Variants in KCNIP4 observed in about 807,000 individuals in gnomAD.
KCNIP4 encodes Kv channel-interacting protein 4.
KCNIP4 carries 12 observed loss-of-function variants against 34.0 expected under a neutral mutation model. That is an observed-to-expected ratio of 0.35 (90% CI 0.23 to 0.57). The LOEUF (loss-of-function observed/expected upper bound fraction) is 0.57. Ranked by LOEUF, KCNIP4 falls within the 20% of genes least tolerant of loss-of-function variation. The pLI is 0.83. For missense variants in KCNIP4, 238 were observed against 311.7 expected, an observed-to-expected ratio of 0.76 and a Z score of 1.78; for synonymous variants, 124 against 102.2, an observed-to-expected ratio of 1.21 and a Z score of -1.29.
chr4:21,549,589 A>T lies in KCNIP4; in HGVS notation c.61+398982T>A, dbSNP rs999576235. ...GTACCATGTCTCCCATACAGCCTGC[A>T]GAACTGTGACCCAACTAAACATTTT... On this transcript the variant is annotated intron_variant, in intron 1 of 8. Coordinates refer to ENST00000382152, the MANE Select transcript of KCNIP4 (RefSeq NM_025221.6). Among the ~76,000 whole-genome samples the T allele has an allele frequency of 3.9e-5, 6 of 152,162 alleles. No individual in the cohort carries two copies. In the East Asian group the frequency reaches 1.2e-3, roughly 29 times the overall value.
intron 1 of KCNIP4, among the ~76,000 whole-genome samples, chr4:21,491,732 A>T (rs1429390244): frequency 6.6e-6 from 1 of 152,144 alleles, no homozygotes; most frequent in African/African-American, 2.4e-5. Context: ...TCTGACAAAC[A>T]TCTACATTTT....
chr4:21,461,264 C>T, intron 1 of KCNIP4, among the ~76,000 whole-genome samples: 1 of 152,042 alleles, frequency 6.6e-6, no homozygotes, highest in East Asian at 1.9e-4. Flanking sequence ...CTTGCTTCTC[C>T]TTCACCTTCT....
At chr4:21,352,266 G>A (rs934949792) in intron 1 of KCNIP4, among the ~76,000 whole-genome samples, 2 of 152,168 alleles carry the variant, frequency 1.3e-5, no homozygotes, top group African/African-American at 4.8e-5. Context: ...TCATATCATT[G>A]GGACTGGTTG....
chr4:21,543,746 T>C (rs1376738718), intron 1 of KCNIP4, among the ~76,000 whole-genome samples: 1 of 152,156 alleles, frequency 6.6e-6, no homozygotes, highest in African/African-American at 2.4e-5. Context: ...CTTACCTACA[T>C]TGTCTTGTAA....
At chr4:21,600,727 A>G (rs1026536129) in intron 1 of KCNIP4, among the ~76,000 whole-genome samples, 2 of 152,036 alleles carry the variant, frequency 1.3e-5, no homozygotes, top group African/African-American at 4.8e-5. Context: ...CGATTTCCCC[A>G]TGGTTGTGAG....
intron 1 of KCNIP4, among the ~76,000 whole-genome samples, chr4:21,271,452 C>T (rs1010333105): frequency 1.3e-5 from 2 of 152,154 alleles, no homozygotes; most frequent in Non-Finnish European, 2.9e-5. Flanking sequence ...CAGCATTACT[C>T]GTGCAACTGT....
At chr4:21,247,735 G>GAGATATAT (rs796243156) in intron 1 of KCNIP4, among the ~76,000 whole-genome samples, 1 of 61,370 alleles carries the variant, frequency 1.6e-5, no homozygotes, top group African/African-American at 1.1e-4. Flanking sequence ...TCCACAGGTG[G>GAGATATAT]ATATATATAT....
intron 1 of KCNIP4, among the ~76,000 whole-genome samples, chr4:21,659,162 A>G (rs1224259054): frequency 6.6e-6 from 1 of 152,182 alleles, no homozygotes; most frequent in African/African-American, 2.4e-5. Flanking sequence ...TTTGGCATAA[A>G]TATTTTGTTT....
At chr4:21,814,427 T>G (rs1721850617) in intron 1 of KCNIP4, among the ~76,000 whole-genome samples, 1 of 152,088 alleles carries the variant, frequency 6.6e-6, no homozygotes, top group Non-Finnish European at 1.5e-5. Context: ...TCTCATGAGA[T>G]CTCATGGTTT....
At chr4:21,835,114 A>G (rs2109311229) in intron 1 of KCNIP4, among the ~76,000 whole-genome samples, 1 of 152,288 alleles carries the variant, frequency 6.6e-6, no homozygotes, top group South Asian at 2.1e-4. Flanking sequence ...CAAAATTTTA[A>G]AACTTTCAGG....
At chr4:20,974,191 C>T (rs1192277895) in intron 1 of KCNIP4, among the ~76,000 whole-genome samples, 1 of 152,146 alleles carries the variant, frequency 6.6e-6, no homozygotes, top group East Asian at 1.9e-4. Flanking sequence ...GCCTGGGTAA[C>T]ACACTCCTTA....
chr4:21,442,342 T>TAAA (rs1727559045), intron 1 of KCNIP4, among the ~76,000 whole-genome samples: 3 of 152,164 alleles, frequency 2.0e-5, no homozygotes, highest in Admixed American at 1.3e-4. Flanking sequence ...TCCACTGGGG[T>TAAA]AATCAAAATC....
At chr4:20,967,455 A>G (rs1004503902) in intron 1 of KCNIP4, among the ~76,000 whole-genome samples, 2 of 152,198 alleles carry the variant, frequency 1.3e-5, no homozygotes, top group Admixed American at 6.5e-5. Context: ...GAACCAAAAA[A>G]GAGCCTGCAC....
intron 1 of KCNIP4, among the ~76,000 whole-genome samples, chr4:21,135,163 T>C (rs1292019683): frequency 1.3e-5 from 2 of 152,228 alleles, no homozygotes; most frequent in Admixed American, 6.5e-5. Flanking sequence ...TTCACCAGAC[T>C]GCCTCTTATA....
At chr4:21,293,050 G>A (rs767776756) in intron 1 of KCNIP4, among the ~76,000 whole-genome samples, 6 of 152,102 alleles carry the variant, frequency 3.9e-5, no homozygotes, top group Non-Finnish European at 8.8e-5. Flanking sequence ...GGTGATACTC[G>A]ACATCTGTAG....
chr4:20,862,246 C>T, intron 2 of KCNIP4, among the ~76,000 whole-genome samples: 1 of 152,000 alleles, frequency 6.6e-6, no homozygotes, highest in East Asian at 1.9e-4. Context: ...GCCTCTGCCT[C>T]CCAAAGTGCT....
Position 20,859,229 on chromosome 4 carries a change from T to A in KCNIP4, c.164-8562A>T, listed in dbSNP as rs564059210. Among the ~76,000 whole-genome samples, 5 of 152,254 alleles carry A rather than the reference T, an allele frequency of 3.3e-5. 1 individual carries two copies. In the South Asian group the frequency reaches 1.0e-3, roughly 32 times the overall value. The stretch of plus-strand genomic sequence containing the variant: ...GAAGGAACACAGGAAACTGTTTGTT[T>A]TTCTGCATTTTACCCCTGAGAAATT... On this transcript the variant is annotated intron_variant, in intron 2 of 8. Transcript: ENST00000382152.
intron 3 of KCNIP4, among the ~76,000 whole-genome samples, chr4:20,823,352 T>G (rs973735848): frequency 6.6e-6 from 1 of 152,070 alleles, no homozygotes; most frequent in Non-Finnish European, 1.5e-5. Flanking sequence ...AGGGAGCCAT[T>G]GAAGAATGTA....
intron 1 of KCNIP4, among the ~76,000 whole-genome samples, chr4:21,102,538 G>C (rs563158274): frequency 1.3e-5 from 2 of 152,232 alleles, no homozygotes; most frequent in South Asian, 4.1e-4. Flanking sequence ...CTGGATTGAG[G>C]ATATAAATTA....
Sources: allele counts gnomAD v4.1 joint callset (sites outside exome capture counted in the v4.1 genomes callset), GRCh38; gene constraint gnomAD v4.1.1; transcripts MANE v1.5; gene names NCBI Gene and HGNC (gene_info 2026-07-23, HGNC 2026-07-21).